The following KMO variants were observed in gnomAD, a reference collection of about 807,000 sequenced individuals.
KMO encodes kynurenine 3-monooxygenase.
KMO carries 24 observed loss-of-function variants against 57.8 expected under a neutral mutation model. The observed-to-expected ratio is 0.42, with a 90% CI of 0.30 to 0.58. The LOEUF (loss-of-function observed/expected upper bound fraction) is 0.58, where lower values mean the gene tolerates loss of function less well. KMO is among the 20% of genes least tolerant of loss of function. The pLI, the probability that KMO is intolerant of heterozygous loss-of-function variation, is 0.22. For synonymous variants in KMO, 210 were observed against 193.6 expected, an observed-to-expected ratio of 1.08 and a Z score of -0.70; for missense variants, 483 against 588.2, an observed-to-expected ratio of 0.82 and a Z score of 1.85.
chr1:241,580,013 A>G (rs2147977551), intron 10 of KMO, among the ~76,000 whole-genome samples: 1 of 152,272 alleles, frequency 6.6e-6, no homozygotes, highest in Non-Finnish European at 1.5e-5. Flanking sequence ...AATCAGTTCC[A>G]GTGCTTGGTA....
intron 1 of KMO, among the ~76,000 whole-genome samples, chr1:241,542,644 A>G (rs979531946): frequency 4.6e-5 from 7 of 152,358 alleles, no homozygotes; most frequent in African/African-American, 1.7e-4. Context: ...CAGAACCAGA[A>G]TCAAAAAATA....
chr1:241,537,931 A>G (rs568158591), intron 1 of KMO, among the ~76,000 whole-genome samples: 111 of 152,324 alleles, frequency 7.3e-4, no homozygotes, highest in African/African-American at 2.3e-3. Context: ...ACCAAACCAT[A>G]TCAACAAGTT....
chr1:241,594,729 AG>A lies in KMO; in HGVS notation c.*2577del, dbSNP rs1296027293. 1.9e-6 allele frequency: 3 copies of A among 1,595,238 alleles called. No individual in the cohort carries two copies. Among genetic ancestry groups the A allele is most frequent in the Non-Finnish European group, 2.6e-6 (3 of 1,171,450 alleles). ...AAAATAAAGTGGAATATTAAGTAAA[AG>A]TTGGGCACTAATCTGGATTAACATT... is the stretch of plus-strand genomic sequence containing the variant. On this transcript the variant is annotated 3_prime_UTR_variant, in exon 15 of 15. Transcript: ENST00000366559.
chr1:241,561,432 A>G (rs1249857146), intron 6 of KMO, among the ~76,000 whole-genome samples: 2 of 152,094 alleles, frequency 1.3e-5, no homozygotes, highest in Non-Finnish European at 2.9e-5. Context: ...GTCCTCTCCC[A>G]TTAAATCTAT....
intron 11 of KMO, among the ~76,000 whole-genome samples, chr1:241,588,150 A>G (rs1182275668): frequency 2.0e-5 from 3 of 152,134 alleles, no homozygotes; most frequent in Non-Finnish European, 2.9e-5. Context: ...TGATACTCTC[A>G]ACTTCAGAGT....
intron 10 of KMO, among the ~76,000 whole-genome samples, chr1:241,572,693 C>T (rs1244517242): frequency 6.6e-6 from 1 of 151,862 alleles, no homozygotes; most frequent in African/African-American, 2.4e-5. Context: ...TTTTTGGTTA[C>T]ATTAACAAAT....
chr1:241,571,076 A>T (rs1351052132), intron 10 of KMO, among the ~76,000 whole-genome samples: 1 of 151,712 alleles, frequency 6.6e-6, no homozygotes, highest in Admixed American at 6.6e-5. Flanking sequence ...TCTTTTTCAG[A>T]TTGTTTACTC....
chr1:241,594,400 C>T lies in KMO; in HGVS notation c.*2247C>T. The T allele has an allele frequency of 6.3e-7, 1 of 1,599,884 alleles. No individual in the cohort carries two copies. Among genetic ancestry groups the T allele is most frequent in the Non-Finnish European group, 8.5e-7 (1 of 1,171,324 alleles). On this transcript the variant is annotated 3_prime_UTR_variant, in exon 15 of 15. Transcript: ENST00000366559. ...TCCAAAAGTGGCATCCAATTTAAGG[C>T]CCCATCTTTCGTTGCCATTCTTCAT...
chr1:241,584,754 C>T (rs12030098), intron 10 of KMO, among the ~76,000 whole-genome samples: 19,567 of 152,116 alleles, frequency 0.13, 1,554 homozygotes, highest in East Asian at 0.22. Context: ...TTATATTCTC[C>T]ATGAAGCAGT....
rs76272219 is a variant in KMO at position 241,585,270 on chromosome 1, T to G, written c.958-1409T>G. ...TAATTAAATTAAATTAAATTGGAAT[T>G]TTAATAATGTCTACCTCAGAGAGTT... On this transcript the variant is annotated intron_variant, in intron 10 of 14. Coordinates refer to ENST00000366559, the MANE Select transcript of KMO (RefSeq NM_003679.5). 9.1e-3 allele frequency among the ~76,000 whole-genome samples: 1,385 copies of G among 152,032 alleles called. 17 individuals carry two copies. The highest frequency in any genetic ancestry group is 0.058 in the East Asian group (298 of 5,158).
At chr1:241,578,411 C>G (rs191676526) in intron 10 of KMO, among the ~76,000 whole-genome samples, 13 of 152,270 alleles carry the variant, frequency 8.5e-5, no homozygotes, top group African/African-American at 2.9e-4. Context: ...ATGTGGTACA[C>G]TCCTCTTTCC....
chr1:241,536,604 T>G, intron 1 of KMO: 1 of 483,000 alleles, frequency 2.1e-6, no homozygotes, highest in Non-Finnish European at 2.7e-6. Flanking sequence ...AGCTGACTCC[T>G]GCTGTTGCAA....
chr1:241,554,745 TGGA>T (rs1384854199), intron 4 of KMO, among the ~76,000 whole-genome samples: 1 of 149,070 alleles, frequency 6.7e-6, no homozygotes, highest in Admixed American at 6.7e-5. Context: ...CCAAGGTCGG[TGGA>T]TCACCTGAGG....
At chr1:241,532,530 G>A (rs1362416803) in intron 1 of KMO, 32 bp downstream of exon 1, 3 of 1,509,698 alleles carry the variant, frequency 2.0e-6, no homozygotes, top group Non-Finnish European at 2.7e-6. Context: ...ACTATTGTTG[G>A]TGGTATTATA....
chr1:241,583,787 G>A lies in KMO; in HGVS notation c.958-2892G>A, dbSNP rs573971514. ...CTGAGTCCATATATCCAGAACTTGGGTATATGTGGCTGACCATATAGTATT... is the reference window on the plus strand; with the variant it reads ...CTGAGTCCATATATCCAGAACTTGGATATATGTGGCTGACCATATAGTATT... On this transcript the variant is annotated intron_variant, in intron 10 of 14. Transcript: ENST00000366559. Among the ~76,000 whole-genome samples the A allele has an allele frequency of 6.6e-3, 966 of 145,858 alleles. 8 individuals are homozygous for A. Among genetic ancestry groups the A allele is most frequent in the African/African-American group, 0.024 (921 of 37,646 alleles).
At chr1:241,586,631 T>G in intron 10 of KMO, 48 bp from the exon 11 acceptor site, 1 of 1,257,608 alleles carries the variant, frequency 8.0e-7, no homozygotes, top group Admixed American at 1.9e-5. Context: ...AAGGGTTTCT[T>G]TTTTATTATT....
In KMO at chr1:241,548,858, A is replaced by G; in HGVS notation, c.84A>G (p.Ala28=). ...LVGSLQACFL[A]KRNFQIDVYE... The stretch of plus-strand genomic sequence containing the variant: ...GCTCATTACAAGCATGCTTTCTTGC[A>G]AAGAGGAATTTCCAGATTGATGTAT... The change falls in exon 2 of 15, where the codon GCA becomes GCG. Residue 28 remains alanine (A), a synonymous_variant. Transcript: ENST00000366559. The G allele has an allele frequency of 6.2e-7, 1 of 1,606,412 alleles. No homozygotes were observed. Among genetic ancestry groups the G allele is most frequent in the Non-Finnish European group, 8.5e-7 (1 of 1,173,524 alleles).
chr1:241,555,788 C>G, intron 5 of KMO, 128 bp downstream of exon 5: 1 of 526,916 alleles, frequency 1.9e-6, no homozygotes, highest in Non-Finnish European at 3.4e-6. Flanking sequence ...ACTATGTACA[C>G]TACAAAGTCC....
chr1:241,550,022 C>T (rs1661339284), intron 3 of KMO: 1 of 366,746 alleles, frequency 2.7e-6, no homozygotes, highest in Middle Eastern at 7.2e-4. Flanking sequence ...GATGGTGCGT[C>T]ACTGCCTGTA....
Sources: allele counts gnomAD v4.1 joint callset (sites outside exome capture counted in the v4.1 genomes callset), GRCh38; gene constraint gnomAD v4.1.1; transcripts MANE v1.5; gene names NCBI Gene and HGNC (gene_info 2026-07-23, HGNC 2026-07-21).